Variants in PHACTR2 observed in about 807,000 individuals in gnomAD.
The protein encoded by PHACTR2 is chromosome 6 open reading frame 56.
PHACTR2 carries 30 observed loss-of-function variants against 76.0 expected under a neutral mutation model. That is an observed-to-expected ratio of 0.39 (90% CI 0.30 to 0.54). PHACTR2 has a LOEUF of 0.54. Ranked by LOEUF, PHACTR2 falls within the 20% of genes least tolerant of loss-of-function variation. PHACTR2 has a pLI of 0.61. For synonymous variants in PHACTR2, 292 were observed against 292.5 expected, an observed-to-expected ratio of 1.00 and a Z score of 0.02; for missense variants, 696 against 781.1, an observed-to-expected ratio of 0.89 and a Z score of 1.30.
intron 2 of PHACTR2, among the ~76,000 whole-genome samples, chr6:143,726,410 T>C (rs1778572353): frequency 6.6e-6 from 1 of 152,228 alleles, no homozygotes; most frequent in Admixed American, 6.5e-5. Context: ...GAACTGAAAC[T>C]CTACATCTAT....
chr6:143,721,655 G>A (rs3060566), intron 2 of PHACTR2, among the ~76,000 whole-genome samples: 1 of 143,676 alleles, frequency 7.0e-6, no homozygotes, highest in African/African-American at 2.6e-5. Flanking sequence ...GTGTGTGTGT[G>A]TCTGTGTGTG....
chr6:143,803,955 T>G lies in PHACTR2; in HGVS notation c.1846-3102T>G, dbSNP rs939407777. Among the ~76,000 whole-genome samples the G allele has an allele frequency of 9.2e-5, 14 of 152,180 alleles. No homozygotes were observed. Among genetic ancestry groups the G allele is most frequent in the Admixed American group, 2.0e-4 (3 of 15,276 alleles). On this transcript the variant is annotated intron_variant, in intron 11 of 12. Coordinates refer to ENST00000440869, the MANE Select transcript of PHACTR2 (RefSeq NM_001100164.2). The surrounding 1 kb of genome is among the most constrained non-coding windows in gnomAD (Gnocchi z 4.7). ...AACAGGAAAAGGGTTAATGCGCATC[T>G]CTCTCTAGCAAGTCATGTGACCTCT...
rs1247438171 is a variant in PHACTR2, at chr6:143,819,997, G to A, written c.1923-3677G>A. Among the ~76,000 whole-genome samples, 2 of 152,292 alleles carry A rather than the reference G, an allele frequency of 1.3e-5. No individual in the cohort carries two copies. Among genetic ancestry groups the A allele is most frequent in the East Asian group, 3.9e-4 (2 of 5,188 alleles). On this transcript the variant is annotated intron_variant, in intron 12 of 12. Transcript: ENST00000440869. This position sits in a 1 kb window ranked among gnomAD's most constrained non-coding sequence, Gnocchi z 5.0. The stretch of plus-strand genomic sequence containing the variant: ...CCAATCACGGCAGAAAGCGAAGGGG[G>A]AGCAGGCACATCACATGGCAAGAAT...
At chr6:143,677,367 T>C (rs1777268793), upstream of PHACTR2, among the ~76,000 whole-genome samples, 1 of 152,212 alleles carries the variant, frequency 6.6e-6, no homozygotes, top group South Asian at 2.1e-4. Flanking sequence ...TCAAGTTTGT[T>C]ATAGTTTTTT....
chr6:143,717,950 C>T (rs1778339581), intron 2 of PHACTR2, among the ~76,000 whole-genome samples: 2 of 152,064 alleles, frequency 1.3e-5, no homozygotes, highest in African/African-American at 4.8e-5. Context: ...ACATGTACTT[C>T]ACAATTACAG....
intron 1 of PHACTR2, among the ~76,000 whole-genome samples, chr6:143,691,658 T>A (rs1021207021): frequency 5.3e-5 from 8 of 152,216 alleles, no homozygotes; most frequent in Non-Finnish European, 1.2e-4. Flanking sequence ...TTCAACTCGT[T>A]GCCTTTTCAA....
At chr6:143,564,195 G>GTA (rs1562685628) in intron 1 of PHACTR2, among the ~76,000 whole-genome samples, 30 of 31,198 alleles carry the variant, frequency 9.6e-4, no homozygotes, top group South Asian at 2.3e-3. Flanking sequence ...GTGTGTGTGT[G>GTA]CATATATATA....
In PHACTR2 at chr6:143,619,807, A is replaced by G. The variant is rs1001378765; in HGVS notation, c.13+11485A>G. On this transcript the variant is annotated intron_variant, in intron 1 of 11. Coordinates refer to the PHACTR2 transcript ENST00000305766. This position sits in a 1 kb window ranked among gnomAD's most constrained non-coding sequence, Gnocchi z 4.5. ...TTGGGGCATTTTTAATAAGGGGATA[A>G]AAGGAAATATAGCCAGTCCCAAACT... Among the ~76,000 whole-genome samples the G allele has an allele frequency of 1.1e-4, 16 of 152,166 alleles. No homozygotes were observed. The highest frequency in any genetic ancestry group is 5.9e-4 in the Admixed American group (9 of 15,272).
chr6:143,541,784 CTGCTGTTGGGTCACCTG>C lies in PHACTR2; in HGVS notation c.217+4588_217+4604del, dbSNP rs1374650785. Among the ~76,000 whole-genome samples the C allele has an allele frequency of 6.6e-6, 1 of 152,190 alleles. No homozygotes were observed. Among genetic ancestry groups the C allele is most frequent in the Non-Finnish European group, 1.5e-5 (1 of 68,042 alleles). On this transcript the variant is annotated intron_variant, in intron 1 of 11. Transcript: ENST00000367584. This position sits in a 1 kb window ranked among gnomAD's most constrained non-coding sequence, Gnocchi z 5.3. ...GAGATACTGCTGTCCAAGACCAGTT[CTGCTGTTGGGTCACCTG>C]TGCTGTTGGGGGAAGCTTGTGCTTG...
chr6:143,670,640 A>G (rs543002362), intron 1 of PHACTR2, among the ~76,000 whole-genome samples: 1 of 151,988 alleles, frequency 6.6e-6, no homozygotes, highest in South Asian at 2.1e-4. Context: ...CAATTCGACT[A>G]TTGATACTTG....
chr6:143,713,515 G>T (rs751937305), intron 2 of PHACTR2, among the ~76,000 whole-genome samples: 1 of 152,160 alleles, frequency 6.6e-6, no homozygotes, highest in Non-Finnish European at 1.5e-5. Context: ...TGGTTATTGG[G>T]TCCTCTTCAG....
At chr6:143,572,605 T>G (rs1246506406) in intron 1 of PHACTR2, among the ~76,000 whole-genome samples, 2 of 152,206 alleles carry the variant, frequency 1.3e-5, no homozygotes, top group Non-Finnish European at 2.9e-5. Context: ...CAGGTTGGAG[T>G]GCAGTGGCAC....
Position 143,619,399 on chromosome 6 carries a change from C to T in PHACTR2, c.13+11077C>T, listed in dbSNP as rs1297760333. 6.6e-6 allele frequency among the ~76,000 whole-genome samples: 1 copy of T among 152,230 alleles called. No homozygotes were observed. Among genetic ancestry groups the T allele is most frequent in the African/African-American group, 2.4e-5 (1 of 41,468 alleles). On this transcript the variant is annotated intron_variant, in intron 1 of 11. Coordinates refer to the PHACTR2 transcript ENST00000305766. The surrounding 1 kb of genome is among the most constrained non-coding windows in gnomAD (Gnocchi z 4.5). ...GAAGCCACTCAGACAAAATAGGTTT[C>T]TACTGTTTCGTGTGCTATTAAGATA...
At position 143,614,045 on chromosome 6, in the gene PHACTR2, A is replaced by AC. The variant is rs558731238; in HGVS notation, c.13+5728dup. Reference sequence around the variant, plus strand: ...AGACCAGCCTGACCAACATAATGAAACCCCCATCTCTACTAAAAATACAAA... The same window carrying AC: ...AGACCAGCCTGACCAACATAATGAAACCCCCCATCTCTACTAAAAATACAAA... On this transcript the variant is annotated intron_variant, in intron 1 of 11. Coordinates refer to the PHACTR2 transcript ENST00000305766. Among the ~76,000 whole-genome samples, 1,368 of 152,006 alleles carry AC rather than the reference A, an allele frequency of 9.0e-3. 19 individuals carry two copies. Among genetic ancestry groups the AC allele is most frequent in the African/African-American group, 0.029 (1,192 of 41,422 alleles).
chr6:143,555,757 T>C (rs1775164549), intron 1 of PHACTR2, among the ~76,000 whole-genome samples: 1 of 152,114 alleles, frequency 6.6e-6, no homozygotes, highest in African/African-American at 2.4e-5. Flanking sequence ...TCCTACCTCA[T>C]CGTGTGAATT....
At position 143,547,679 on chromosome 6, in the gene PHACTR2, C is replaced by T. The variant is rs1019227526; in HGVS notation, c.217+10472C>T. ...AGTTAGCAATAGAGACTCCCTTCTT[C>T]GAATGAAGGAAAAGGGGTTTGTTTG... On this transcript the variant is annotated intron_variant, in intron 1 of 11. Transcript: ENST00000367584. This position sits in a 1 kb window ranked among gnomAD's most constrained non-coding sequence, Gnocchi z 4.2. 1.3e-5 allele frequency among the ~76,000 whole-genome samples: 2 copies of T among 152,108 alleles called. No individual in the cohort carries two copies. The highest frequency in any genetic ancestry group is 2.9e-5 in the Non-Finnish European group (2 of 68,008).
intron 11 of PHACTR2, among the ~76,000 whole-genome samples, chr6:143,798,446 G>C (rs1307326319): frequency 6.6e-6 from 1 of 152,216 alleles, no homozygotes; most frequent in Non-Finnish European, 1.5e-5. Context: ...TTGAATAGGA[G>C]TGGTGAGAGA....
In PHACTR2 at chr6:143,829,928, T is replaced by C. The variant is rs1274428874; in HGVS notation, c.*6239T>C. ...GGCAGAATGCCACTCTACCCTCAGGTCAATTTTATGGTATATGAAAATGCC... is the reference window on the plus strand; with the variant it reads ...GGCAGAATGCCACTCTACCCTCAGGCCAATTTTATGGTATATGAAAATGCC... On this transcript the variant is annotated 3_prime_UTR_variant, in exon 13 of 13. Transcript: ENST00000440869. 2 of 152,170 alleles carry C rather than the reference T, an allele frequency of 1.3e-5. No homozygotes were observed. Among genetic ancestry groups the C allele is most frequent in the African/African-American group, 2.4e-5 (1 of 41,434 alleles). The allele number at this position is 152,170 out of a possible 1,614,324, so 9.4% of individuals were successfully genotyped here. A position where few individuals can be genotyped will look rare whatever the true frequency, so the allele number is the denominator to read the frequency against.
At chr6:143,609,204 C>T (rs965516841) in intron 1 of PHACTR2, among the ~76,000 whole-genome samples, 7 of 152,178 alleles carry the variant, frequency 4.6e-5, no homozygotes, top group Non-Finnish European at 8.8e-5. Flanking sequence ...TTCTACACTA[C>T]AAGACCACCC....
Sources: gnomAD v4.1 joint callset for allele counts (sites outside exome capture counted in the v4.1 genomes callset) on GRCh38, gnomAD v4.1.1 for gene constraint, Gnocchi (gnomAD v3.1) non-coding constraint, MANE v1.5 for transcripts, NCBI Gene and HGNC (gene_info 2026-07-23, HGNC 2026-07-21) for gene names.